Variants in VMP1 observed in about 807,000 individuals in gnomAD.
VMP1 encodes ectopic P-granules autophagy protein 3 homolog.
VMP1 carries 11 observed loss-of-function variants against 56.0 expected under a neutral mutation model. The observed-to-expected ratio is 0.20, with a 90% CI of 0.12 to 0.32. The LOEUF (loss-of-function observed/expected upper bound fraction) is 0.32, where lower values mean the gene tolerates loss of function less well. VMP1 is among the 10% of genes least tolerant of loss of function. VMP1 has a pLI of 1.00. For missense variants in VMP1, 296 were observed against 490.3 expected, an observed-to-expected ratio of 0.60 and a Z score of 3.74; for synonymous variants, 149 against 165.0, an observed-to-expected ratio of 0.90 and a Z score of 0.74.
chr17:59,714,680 C>T (rs1040235590), intron 1 of VMP1, among the ~76,000 whole-genome samples: 5 of 151,888 alleles, frequency 3.3e-5, no homozygotes, highest in African/African-American at 1.2e-4. Context: ...AGGGAGAGGG[C>T]TTTGAGCCAG....
chr17:59,815,700 C>CA (rs1568200198), intron 9 of VMP1, among the ~76,000 whole-genome samples: 1 of 151,110 alleles, frequency 6.6e-6, no homozygotes, highest in African/African-American at 2.4e-5. Flanking sequence ...AAAAAAAATA[C>CA]AAAAAAATTA....
intron 7 of VMP1, among the ~76,000 whole-genome samples, chr17:59,787,602 ACC>A (rs1201164783): frequency 6.6e-6 from 1 of 152,126 alleles, no homozygotes; most frequent in East Asian, 1.9e-4. Context: ...CGGGTGGATC[ACC>A]TGAGGTCAGG....
At chr17:59,801,097 T>A (rs1267697713) in intron 7 of VMP1, among the ~76,000 whole-genome samples, 3,659 of 124,170 alleles carry the variant, frequency 0.029, 331 homozygotes, top group African/African-American at 0.12. Flanking sequence ...AAAAAATATA[T>A]ATATATATAT....
At chr17:59,727,756 G>A (rs2034665082) in intron 1 of VMP1, among the ~76,000 whole-genome samples, 2 of 152,140 alleles carry the variant, frequency 1.3e-5, no homozygotes, top group Admixed American at 1.3e-4. Flanking sequence ...CTCTTTTGAT[G>A]TATTGGTATT....
chr17:59,839,931 G>T lies in VMP1; in HGVS notation c.*20G>T. The T allele has an allele frequency of 6.2e-7, 1 of 1,606,786 alleles. No individual in the cohort carries two copies. The highest frequency in any genetic ancestry group is 2.2e-5 in the East Asian group (1 of 44,636). On this transcript the variant is annotated 3_prime_UTR_variant, in exon 12 of 12. Coordinates refer to ENST00000262291, the MANE Select transcript of VMP1 (RefSeq NM_030938.5). The stretch of plus-strand genomic sequence containing the variant: ...AAATAAGTAGAGAAAGTTTTAAACT[G>T]CAGAAATTGGAGTGGATGGGTTCTG...
At chr17:59,812,477 TAAC>T (rs989069782) in intron 9 of VMP1, among the ~76,000 whole-genome samples, 25 of 152,144 alleles carry the variant, frequency 1.6e-4, no homozygotes, top group Non-Finnish European at 2.9e-4. Context: ...GAGAAAAGGT[TAAC>T]AATTTAAACG....
chr17:59,725,300 A>C (rs1232744784), intron 1 of VMP1, among the ~76,000 whole-genome samples: 1 of 152,232 alleles, frequency 6.6e-6, no homozygotes, highest in African/African-American at 2.4e-5. Flanking sequence ...AAGAATGCAG[A>C]TGATTCTGGA....
At chr17:59,738,490 T>G (rs1043632483) in intron 4 of VMP1, among the ~76,000 whole-genome samples, 1 of 152,232 alleles carries the variant, frequency 6.6e-6, no homozygotes, top group African/African-American at 2.4e-5. Flanking sequence ...GAGAAGTTTT[T>G]ACAGTTCTAA....
chr17:59,837,953 A>G (rs907034200), intron 10 of VMP1: 1 of 176,924 alleles, frequency 5.7e-6, no homozygotes, highest in Admixed American at 6.1e-5. Context: ...GTGCCATACC[A>G]GAGTACAGTA....
At chr17:59,797,082 C>G (rs2037461005) in intron 7 of VMP1, among the ~76,000 whole-genome samples, 1 of 152,072 alleles carries the variant, frequency 6.6e-6, no homozygotes, top group Non-Finnish European at 1.5e-5. Context: ...GCCTGTAATC[C>G]TACCACTTTG....
At chr17:59,711,064 C>T (rs1345833034) in intron 1 of VMP1, among the ~76,000 whole-genome samples, 4 of 145,122 alleles carry the variant, frequency 2.8e-5, no homozygotes, top group African/African-American at 1.1e-4. Flanking sequence ...CAGAGCGAGA[C>T]TCCATCTCAA....
intron 7 of VMP1, among the ~76,000 whole-genome samples, chr17:59,789,315 T>G (rs2037131868): frequency 6.6e-6 from 1 of 151,096 alleles, no homozygotes; most frequent in Non-Finnish European, 1.5e-5. Flanking sequence ...CCCAGCACTT[T>G]GGGAGGCCGA....
chr17:59,737,183 G>C (rs2035048006), intron 3 of VMP1, among the ~76,000 whole-genome samples: 1 of 152,166 alleles, frequency 6.6e-6, no homozygotes, highest in African/African-American at 2.4e-5. Flanking sequence ...ATACTATAAT[G>C]CTTCTCCATA....
At chr17:59,789,799 TTC>T (rs1442326542) in intron 7 of VMP1, among the ~76,000 whole-genome samples, 1 of 151,566 alleles carries the variant, frequency 6.6e-6, no homozygotes, top group African/African-American at 2.4e-5. Context: ...TCTCTTTCTT[TTC>T]TTTCTTTCTT....
At chr17:59,812,350 G>T (rs2038080424) in intron 9 of VMP1, among the ~76,000 whole-genome samples, 1 of 152,152 alleles carries the variant, frequency 6.6e-6, no homozygotes, top group Non-Finnish European at 1.5e-5. Context: ...GGAGATGTGG[G>T]TTGTGGTCAG....
chr17:59,818,235 C>T (rs1191988163), intron 10 of VMP1, among the ~76,000 whole-genome samples: 2 of 151,984 alleles, frequency 1.3e-5, no homozygotes, highest in African/African-American at 4.8e-5. Flanking sequence ...GCCGTGGTGG[C>T]GGGCACCTAT....
chr17:59,807,199 G>GTTTTTTTTTT (rs376878801), intron 7 of VMP1, among the ~76,000 whole-genome samples: 2 of 132,642 alleles, frequency 1.5e-5, no homozygotes, highest in African/African-American at 5.5e-5. Flanking sequence ...TTGTTTTTTT[G>GTTTTTTTTTT]TTTTTTTTTT....
At chr17:59,817,618 C>A in intron 9 of VMP1, 94 bp from the exon 10 acceptor site, 1 of 855,674 alleles carries the variant, frequency 1.2e-6, no homozygotes, top group Non-Finnish European at 1.8e-6. Context: ...ATTAGGGGCA[C>A]AATCTTACCT....
chr17:59,779,055 G>A (rs1598382215), intron 7 of VMP1, among the ~76,000 whole-genome samples: 1 of 152,216 alleles, frequency 6.6e-6, no homozygotes, highest in Admixed American at 6.5e-5. Flanking sequence ...GCTAGGCTAA[G>A]CTATGATGTT....
Sources: gnomAD v4.1 joint callset for allele counts (sites outside exome capture counted in the v4.1 genomes callset) on GRCh38, gnomAD v4.1.1 for gene constraint, MANE v1.5 for transcripts, NCBI Gene and HGNC (gene_info 2026-07-23, HGNC 2026-07-21) for gene names.